Variants in WASHC2C observed in about 807,000 individuals in gnomAD.
The protein encoded by WASHC2C is WASH complex subunit 2C.
Under a neutral mutation model 142.2 loss-of-function variants are expected in WASHC2C, and 73 were observed. The ratio of observed to expected loss-of-function variants is 0.51; its 90% confidence interval spans 0.43 to 0.62. The LOEUF is 0.62. Among genes scored for constraint, WASHC2C ranks in the 20% least tolerant of loss-of-function variants. The probability of loss-of-function intolerance (pLI) is 0.00; values close to 1 mark genes in which losing one functional copy is unlikely to be tolerated. For synonymous variants in WASHC2C, 337 were observed against 565.5 expected (o/e 0.60, Z 5.73); for missense variants, 969 against 1,531.7 (o/e 0.63, Z 6.13).
chr10:45,736,446 A>C (rs1420779884), intron 3 of WASHC2C, among the ~76,000 whole-genome samples: 5 of 149,366 alleles, frequency 3.3e-5, no homozygotes, highest in Non-Finnish European at 7.4e-5. Flanking sequence ...AAGGGCAAAA[A>C]CAAATTAGCC....
intron 8 of WASHC2C, among the ~76,000 whole-genome samples, chr10:45,747,046 T>C (rs2134450226): frequency 6.6e-6 from 1 of 152,374 alleles, no homozygotes; most frequent in African/African-American, 2.4e-5. Flanking sequence ...ACGGTTATCT[T>C]AATTTTTGAA....
chr10:45,757,584 C>T (rs868974628), intron 16 of WASHC2C, among the ~76,000 whole-genome samples: 9 of 152,098 alleles, frequency 5.9e-5, no homozygotes, highest in East Asian at 1.9e-4. Flanking sequence ...GCTCCAGTTG[C>T]CCCAGAATGT....
At chr10:45,755,447 A>G (rs2054140955) in intron 15 of WASHC2C, among the ~76,000 whole-genome samples, 1 of 152,326 alleles carries the variant, frequency 6.6e-6, no homozygotes, top group African/African-American at 2.4e-5. Flanking sequence ...AGCCGACCTT[A>G]GTCAATTACA....
chr10:45,749,715 A>G (rs1204646652), intron 8 of WASHC2C, among the ~76,000 whole-genome samples: 3 of 149,546 alleles, frequency 2.0e-5, no homozygotes, highest in Non-Finnish European at 4.4e-5. Context: ...AATCCCAGCT[A>G]CTCGGAAGGC....
At chr10:45,749,480 G>T (rs1198996471) in intron 8 of WASHC2C, among the ~76,000 whole-genome samples, 1 of 150,988 alleles carries the variant, frequency 6.6e-6, no homozygotes, top group African/African-American at 2.4e-5. Context: ...AGCCATTTTT[G>T]ATATTTTAAT....
In WASHC2C at chr10:45,784,311, T is replaced by TATAC. The variant is rs200659699; in HGVS notation, c.2479-253_2479-252insTACA. Among the ~76,000 whole-genome samples, 156 of 58,122 alleles carry TATAC rather than the reference T, an allele frequency of 2.7e-3. 2 individuals are homozygous for TATAC. The highest frequency in any genetic ancestry group is 0.02 in the East Asian group (19 of 952). The allele number at this position is 58,122 out of a possible 152,430, so 38.1% of individuals were successfully genotyped here. ...ATATACACATATATATATATATATA[T>TATAC]ACACACACATATATATATATATGTA... is the stretch of plus-strand genomic sequence containing the variant. On this transcript the variant is annotated intron_variant, in intron 23 of 30. Transcript: ENST00000623400.
At chr10:45,734,383 G>GTGTA (rs1409500157) in intron 3 of WASHC2C, among the ~76,000 whole-genome samples, 4 of 151,788 alleles carry the variant, frequency 2.6e-5, no homozygotes, top group Non-Finnish European at 5.9e-5. Context: ...GTGTGTGTGT[G>GTGTA]TGTATTTTCA....
intron 18 of WASHC2C, among the ~76,000 whole-genome samples, chr10:45,764,699 G>GAACTT (rs2135197716): frequency 6.6e-6 from 1 of 152,314 alleles, no homozygotes; most frequent in South Asian, 2.1e-4. Context: ...TGCAAACCAG[G>GAACTT]AACCTGGGGC....
At chr10:45,760,859 C>T (rs181122859) in intron 17 of WASHC2C, among the ~76,000 whole-genome samples, 2,243 of 150,066 alleles carry the variant, frequency 0.015, 50 homozygotes, top group African/African-American at 0.051. Flanking sequence ...CACTAAAGTA[C>T]GTGCCATGAG....
chr10:45,734,282 C>G (rs2050946372), intron 3 of WASHC2C, among the ~76,000 whole-genome samples: 1 of 151,646 alleles, frequency 6.6e-6, no homozygotes, highest in Non-Finnish European at 1.5e-5. Context: ...ATCAGCTACC[C>G]CAAATTAACC....
intron 3 of WASHC2C, among the ~76,000 whole-genome samples, chr10:45,734,091 G>A (rs548404886): frequency 2.0e-5 from 3 of 152,204 alleles, no homozygotes; most frequent in Non-Finnish European, 4.4e-5. Context: ...CAGGCGTGGT[G>A]GCAGGCGCCT....
intron 18 of WASHC2C, among the ~76,000 whole-genome samples, chr10:45,765,321 G>T (rs1244748055): frequency 6.6e-6 from 1 of 151,072 alleles, no homozygotes; most frequent in African/African-American, 2.4e-5. Flanking sequence ...CTGCTGCGGG[G>T]GCTCCCGTGC....
intron 15 of WASHC2C, 27 bp from the exon 16 acceptor site, chr10:45,756,985 C>T: frequency 1.9e-6 from 3 of 1,567,894 alleles, no homozygotes; most frequent in Non-Finnish European, 2.6e-6. Flanking sequence ...ACGTTAGTGT[C>T]ATTTTATGCC....
At chr10:45,768,469 A>G (rs191599308) in intron 19 of WASHC2C, among the ~76,000 whole-genome samples, 2 of 152,244 alleles carry the variant, frequency 1.3e-5, no homozygotes, top group Admixed American at 1.3e-4. Flanking sequence ...TGATTCAGAA[A>G]ATAGGGGCGG....
intron 20 of WASHC2C, among the ~76,000 whole-genome samples, chr10:45,772,447 C>G (rs1332156972): frequency 6.6e-6 from 1 of 152,118 alleles, no homozygotes; most frequent in South Asian, 2.1e-4. Context: ...CCAGGTGCAA[C>G]GGCTCATGCC....
At chr10:45,744,796 T>G in intron 6 of WASHC2C, 25 bp from the exon 7 acceptor site, 1 of 568,698 alleles carries the variant, frequency 1.8e-6, no homozygotes, top group Non-Finnish European at 3.1e-6. Context: ...ATTGGTGTGG[T>G]GACCCTTATC....
chr10:45,763,258 C>A (rs2055365747), intron 17 of WASHC2C, 130 bp from the exon 18 acceptor site: 17 of 595,314 alleles, frequency 2.9e-5, no homozygotes, highest in Middle Eastern at 4.7e-4. Context: ...GTCTGAGCCA[C>A]CTTCCCTCTC....
intron 17 of WASHC2C, among the ~76,000 whole-genome samples, chr10:45,762,623 C>T (rs1448206182): frequency 5.3e-5 from 8 of 152,262 alleles, no homozygotes; most frequent in South Asian, 2.1e-4. Flanking sequence ...AGAAATAAGT[C>T]GGCCGGGTGT....
chr10:45,731,739 A>C (rs1211956335), intron 3 of WASHC2C, among the ~76,000 whole-genome samples: 1 of 151,724 alleles, frequency 6.6e-6, no homozygotes, highest in African/African-American at 2.4e-5. Flanking sequence ...CAGCTAATGC[A>C]TAATAAAACT....
Sources: allele counts gnomAD v4.1 joint callset (sites outside exome capture counted in the v4.1 genomes callset), GRCh38; gene constraint gnomAD v4.1.1; transcripts MANE v1.5; gene names NCBI Gene and HGNC (gene_info 2026-07-23, HGNC 2026-07-21).